Variants in SMAD6 observed in about 807,000 individuals in gnomAD.
SMAD6 encodes the protein SMAD family member 6, also known as MAD homolog 6.
SMAD6 carries 103 observed loss-of-function variants against 39.4 expected under a neutral mutation model. That is an observed-to-expected ratio of 2.62 (90% CI 2.23 to 3.08). The LOEUF (loss-of-function observed/expected upper bound fraction) is 3.08, where lower values mean the gene tolerates loss of function less well. SMAD6 is among the 30% of genes most tolerant of loss of function. The pLI is 0.00. For synonymous variants in SMAD6, 445 were observed against 353.3 expected (o/e 1.26, Z -2.91); for missense variants, 1,104 against 742.9 (o/e 1.49, Z -5.65).
At chr15:66,716,639 GC>G (rs1481022256) in intron 3 of SMAD6, 141 bp downstream of exon 3, 16 of 710,148 alleles carry the variant, frequency 2.3e-5, no homozygotes, top group Middle Eastern at 3.3e-4. Flanking sequence ...TGGGAAGGTT[GC>G]CAATGTTTCA....
At chr15:66,756,970 G>A (rs921446898) in intron 3 of SMAD6, among the ~76,000 whole-genome samples, 3 of 152,218 alleles carry the variant, frequency 2.0e-5, no homozygotes, top group African/African-American at 7.2e-5. Context: ...ATGTCTACCT[G>A]AGACGGTTGT....
chr15:66,726,379 C>T (rs1051256420), intron 3 of SMAD6, among the ~76,000 whole-genome samples: 13 of 152,320 alleles, frequency 8.5e-5, no homozygotes, highest in East Asian at 3.9e-4. Flanking sequence ...GGCATCTCCA[C>T]ACCACCAGAC....
At position 66,763,464 on chromosome 15, in the gene SMAD6, G is replaced by A. The variant is rs756548105; in HGVS notation, c.953-17533G>A. The stretch of plus-strand genomic sequence containing the variant: ...GCCGCCTCCCCGACTTGGCAGGGCC[G>A]TCTCCTTGAGCTGGAGCAGCCCTCG... On this transcript the variant is annotated intron_variant, in intron 3 of 3. Coordinates refer to ENST00000288840, the MANE Select transcript of SMAD6 (RefSeq NM_005585.5). 6.6e-5 allele frequency among the ~76,000 whole-genome samples: 10 copies of A among 152,202 alleles called. No homozygotes were observed. The East Asian group carries it at 7.7e-4, about 12-fold the overall frequency.
chr15:66,704,343 G>A, intron 1 of SMAD6: 1 of 333,932 alleles, frequency 3.0e-6, no homozygotes, highest in Non-Finnish European at 5.4e-6. Context: ...TCAGGGACAT[G>A]ATGTAGGCTC....
intron 3 of SMAD6, among the ~76,000 whole-genome samples, chr15:66,739,689 A>G (rs1250973162): frequency 2.6e-5 from 4 of 152,250 alleles, no homozygotes; most frequent in Non-Finnish European, 5.9e-5. Context: ...TATTAGGGAA[A>G]ACTTGGAAAG....
At position 66,703,497 on chromosome 15, in the gene SMAD6, C is replaced by CG; in HGVS notation, c.243dup (p.Arg82GlufsTer39). The CG allele has an allele frequency of 4.1e-6, 5 of 1,228,424 alleles. No homozygotes were observed. The highest frequency in any genetic ancestry group is 4.3e-5 in the Admixed American group (1 of 23,124). The allele number at this position is 1,228,424 out of a possible 1,614,324, so 76.1% of individuals were successfully genotyped here. On this transcript the variant is annotated frameshift_variant, in exon 1 of 4. Coordinates refer to ENST00000288840, the MANE Select transcript of SMAD6 (RefSeq NM_005585.5). LOFTEE classifies it high-confidence loss of function. ...GTGGGACAGCGAGGCGCCCAGGGCG[C>CG]GGGGAGGCGCCGGCGCGCAGGGGGC...
intron 3 of SMAD6, among the ~76,000 whole-genome samples, chr15:66,745,183 C>T (rs1456478354): frequency 6.6e-6 from 1 of 152,142 alleles, no homozygotes; most frequent in East Asian, 1.9e-4. Context: ...CCTGGCTGCC[C>T]CTCTGTTTTG....
At chr15:66,712,043 C>T (rs779147961) in intron 2 of SMAD6, among the ~76,000 whole-genome samples, 1 of 152,190 alleles carries the variant, frequency 6.6e-6, no homozygotes, top group African/African-American at 2.4e-5. Context: ...GGTGGGTTGG[C>T]ATTTCTGTGT....
chr15:66,706,573 T>A (rs141058672), intron 1 of SMAD6: 23 of 152,410 alleles, frequency 1.5e-4, no homozygotes, highest in Non-Finnish European at 2.5e-4. Context: ...GGCGCATAGC[T>A]GGGGCTCAGC....
At chr15:66,713,035 G>C (rs1241309539) in intron 2 of SMAD6, among the ~76,000 whole-genome samples, 1 of 152,124 alleles carries the variant, frequency 6.6e-6, no homozygotes, top group African/African-American at 2.4e-5. Context: ...GAGATTGCTT[G>C]GATCTCTGTT....
chr15:66,747,336 C>G lies in SMAD6; in HGVS notation c.952+30838C>G, dbSNP rs113682384. On this transcript the variant is annotated intron_variant, in intron 3 of 3. Transcript: ENST00000288840. This position sits in a 1 kb window ranked among gnomAD's most constrained non-coding sequence, Gnocchi z 4.5. The stretch of plus-strand genomic sequence containing the variant: ...CCTTCCCCATGAGCGCCTTACCTGC[C>G]GGTGCTAAGGAGCCTGGCTTTGATT... Among the ~76,000 whole-genome samples, 1 of 152,256 alleles carries G rather than the reference C, an allele frequency of 6.6e-6. No individual in the cohort carries two copies. The highest frequency in any genetic ancestry group is 2.1e-4 in the South Asian group (1 of 4,834).
chr15:66,710,319 A>G (rs1471363939), intron 1 of SMAD6, among the ~76,000 whole-genome samples: 1 of 152,228 alleles, frequency 6.6e-6, no homozygotes, highest in East Asian at 1.9e-4. Flanking sequence ...CAACGTAGAC[A>G]CCGAGCAAAT....
At position 66,781,735 on chromosome 15, in the gene SMAD6, ATTAT is replaced by A. The variant is rs1158565501; in HGVS notation, c.*205_*208del. The A allele has an allele frequency of 2.2e-5, 9 of 415,144 alleles. No homozygotes were observed. The highest frequency in any genetic ancestry group is 4.1e-5 in the Admixed American group (1 of 24,294). 25.7% of individuals were successfully genotyped at this position (415,144 alleles called of 1,614,324 possible). A position where few individuals can be genotyped will look rare whatever the true frequency, so the allele number is the denominator to read the frequency against. On this transcript the variant is annotated 3_prime_UTR_variant, in exon 4 of 4. Transcript: ENST00000288840. ...ATTATGGAGTCATTTTTACAATGTA[ATTAT>A]TTATGTATGGTGCAATGTGTGTATA... is the stretch of plus-strand genomic sequence containing the variant.
intron 3 of SMAD6, among the ~76,000 whole-genome samples, chr15:66,762,611 G>A (rs4528519): frequency 0.45 from 67,735 of 151,842 alleles, 15,606 homozygotes; most frequent in East Asian, 0.64. Flanking sequence ...AGTGGTTCTT[G>A]GTGGGTCTTC....
At chr15:66,755,071 G>GT (rs568643154) in intron 3 of SMAD6, among the ~76,000 whole-genome samples, 14 of 151,780 alleles carry the variant, frequency 9.2e-5, no homozygotes, top group South Asian at 2.1e-4. Flanking sequence ...GTCCATATTT[G>GT]TTTTTTTTCT....
intron 3 of SMAD6, among the ~76,000 whole-genome samples, chr15:66,745,493 C>T (rs966476410): frequency 3.3e-5 from 5 of 152,188 alleles, no homozygotes; most frequent in African/African-American, 1.2e-4. Flanking sequence ...CCCTAAACTC[C>T]CCTTCCCCAC....
chr15:66,743,421 G>C (rs966862173), intron 3 of SMAD6, among the ~76,000 whole-genome samples: 1 of 151,116 alleles, frequency 6.6e-6, no homozygotes, highest in African/African-American at 2.4e-5. Flanking sequence ...AAAAGCTTTT[G>C]TGAGTGTAAA....
At position 66,703,283 on chromosome 15, in the gene SMAD6, C is replaced by T. The variant is rs1055162146; in HGVS notation, c.25C>T (p.Leu9=). 17 of 1,490,364 alleles carry T rather than the reference C, an allele frequency of 1.1e-5. No homozygotes were observed. Among genetic ancestry groups the T allele is most frequent in the Non-Finnish European group, 1.5e-5 (17 of 1,119,656 alleles). 92.3% of individuals were successfully genotyped at this position (1,490,364 alleles called of 1,614,324 possible). The part of the protein sequence containing the change: MFRSKRSG[L]VRRLWRSRVV... ...TATGTTCAGGTCCAAACGCTCGGGG[C>T]TGGTGCGGCGACTTTGGCGAAGTCG... The change falls in exon 1 of 4, where the codon CTG becomes TTG. Residue 9 remains leucine, a synonymous_variant. Transcript: ENST00000288840.
intron 3 of SMAD6, among the ~76,000 whole-genome samples, chr15:66,737,645 G>T (rs1219606692): frequency 6.6e-6 from 1 of 151,800 alleles, no homozygotes; most frequent in Non-Finnish European, 1.5e-5. Context: ...AGTTCTGTTT[G>T]CCTGGAGCCT....
Sources: allele counts gnomAD v4.1 joint callset (sites outside exome capture counted in the v4.1 genomes callset), GRCh38; gene constraint gnomAD v4.1.1; non-coding constraint Gnocchi (gnomAD v3.1); transcripts MANE v1.5; gene names NCBI Gene and HGNC (gene_info 2026-07-23, HGNC 2026-07-21).